CUL5: variants seen among roughly 807,000 people sequenced by gnomAD.
CUL5 encodes cullin-5.
In CUL5, 26 loss-of-function variants were observed where a neutral mutation model predicts 108.8. The ratio of observed to expected loss-of-function variants is 0.24; its 90% CI spans 0.18 to 0.33. The LOEUF is 0.33. CUL5 is among the 10% of genes least tolerant of loss of function. CUL5 has a pLI of 1.00. For synonymous variants in CUL5, 334 were observed against 298.0 expected, an observed-to-expected ratio of 1.12 and a Z score of -1.25; for missense variants, 524 against 909.2, an observed-to-expected ratio of 0.58 and a Z score of 5.45.
At chr11:108,060,703 G>T (rs1216021625) in intron 7 of CUL5, among the ~76,000 whole-genome samples, 1 of 152,030 alleles carries the variant, frequency 6.6e-6, no homozygotes, top group African/African-American at 2.4e-5. Context: ...CGGGCATGGT[G>T]GTGCGTGCCT....
At chr11:108,103,332 A>AGG (rs1040345628) in intron 18 of CUL5, among the ~76,000 whole-genome samples, 5 of 152,068 alleles carry the variant, frequency 3.3e-5, no homozygotes, top group Admixed American at 6.5e-5. Context: ...AGACCAGGGC[A>AGG]GGGGAGTATT....
At position 108,089,632 on chromosome 11, in the gene CUL5, A is replaced by G; in HGVS notation, c.1443+9A>G. 1 of 1,470,124 alleles carries G rather than the reference A, an allele frequency of 6.8e-7. No individual in the cohort carries two copies. The highest frequency in any genetic ancestry group is 1.4e-5 in the South Asian group (1 of 71,364). 91.1% of individuals were successfully genotyped at this position (1,470,124 alleles called of 1,614,324 possible). On this transcript the variant is annotated intron_variant, in intron 13 of 18. Coordinates refer to ENST00000393094, the MANE Select transcript of CUL5 (RefSeq NM_003478.6). ...TGGTAGAGTGGCTAAGAGTAAGTAA[A>G]TTTTTTTAAATATTTGGTTTTCTAA...
intron 7 of CUL5, among the ~76,000 whole-genome samples, chr11:108,059,235 G>T (rs1863474758): frequency 6.6e-6 from 1 of 152,132 alleles, no homozygotes; most frequent in African/African-American, 2.4e-5. Flanking sequence ...TGATAGTCCT[G>T]CATACCTTAG....
chr11:108,009,851 C>T (rs1182558593), intron 1 of CUL5, among the ~76,000 whole-genome samples: 1 of 152,154 alleles, frequency 6.6e-6, no homozygotes, highest in Non-Finnish European at 1.5e-5. Flanking sequence ...GTCAGACCAG[C>T]AGTGCCTCCC....
At chr11:108,039,044 G>A (rs2135101399) in intron 2 of CUL5, among the ~76,000 whole-genome samples, 1 of 150,912 alleles carries the variant, frequency 6.6e-6, no homozygotes, top group South Asian at 2.1e-4. Flanking sequence ...AATTGAGATA[G>A]AGTTTCATTC....
chr11:108,072,327 TC>T lies in CUL5; in HGVS notation c.875-3del, dbSNP rs2135185472. 6.3e-7 allele frequency: 1 copy of T among 1,592,766 alleles called. No homozygotes were observed. The highest frequency in any genetic ancestry group is 8.6e-7 in the Non-Finnish European group (1 of 1,169,320). On this transcript the variant is annotated splice_polypyrimidine_tract_variant and splice_region_variant and intron_variant, in intron 8 of 18. Coordinates refer to ENST00000393094, the MANE Select transcript of CUL5 (RefSeq NM_003478.6). ...TGATTACATGAATGTGTTCTCTCCT[TC>T]CAGAATTACATTTAATGTTTTCATT...
chr11:108,104,260 A>C lies in CUL5; in HGVS notation c.2219A>C (p.Glu740Ala), dbSNP rs1353853542. Residue 740 changes from glutamate (E) to alanine (A), a missense_variant, in exon 19 of 19, where the codon GAA (glutamate) becomes GCA (alanine). Coordinates refer to ENST00000393094, the MANE Select transcript of CUL5 (RefSeq NM_003478.6). ...GCTCAGCTGCAGACTGAATTAGTAG[A>C]AATTTTGAAAAACATGTTCTTGCCA... ...SNAQLQTELV[E>A]ILKNMFLPQK... The C allele has an allele frequency of 1.5e-5, 24 of 1,610,088 alleles. No individual in the cohort carries two copies. Among genetic ancestry groups the C allele is most frequent in the Non-Finnish European group, 1.9e-5 (22 of 1,178,708 alleles).
At chr11:108,053,021 T>G (rs182241012) in intron 5 of CUL5, among the ~76,000 whole-genome samples, 2 of 152,208 alleles carry the variant, frequency 1.3e-5, no homozygotes, top group Admixed American at 1.3e-4. Context: ...CATTAATTTC[T>G]TGGCAAGTCG....
In CUL5 at chr11:108,083,023, G is replaced by C. The variant is rs138940798; in HGVS notation, c.1178+4783G>C. ...TTTTGTAGATTCTTTCAGCTTTTCT[G>C]TATATAAGATCATGACATCTGCAAA... On this transcript the variant is annotated intron_variant, in intron 11 of 18. Coordinates refer to ENST00000393094, the MANE Select transcript of CUL5 (RefSeq NM_003478.6). Among the ~76,000 whole-genome samples, 5 of 152,256 alleles carry C rather than the reference G, an allele frequency of 3.3e-5. No individual in the cohort carries two copies. In the East Asian group the frequency reaches 9.6e-4, roughly 29 times the overall value.
At chr11:108,058,617 TCTC>T (rs1031758757) in intron 7 of CUL5, among the ~76,000 whole-genome samples, 3 of 151,884 alleles carry the variant, frequency 2.0e-5, no homozygotes, top group Non-Finnish European at 4.4e-5. Flanking sequence ...TGGTAATGCT[TCTC>T]CTGCTGCTTT....
intron 8 of CUL5, among the ~76,000 whole-genome samples, chr11:108,071,880 T>A (rs998481689): frequency 2.0e-4 from 31 of 152,098 alleles, no homozygotes; most frequent in African/African-American, 3.4e-4. Context: ...GATTTTTTTT[T>A]AAACATAATT....
At chr11:108,091,340 C>T (rs1431536588) in intron 13 of CUL5, among the ~76,000 whole-genome samples, 1 of 150,706 alleles carries the variant, frequency 6.6e-6, no homozygotes, top group African/African-American at 2.4e-5. Context: ...CGTGAGCCAC[C>T]ACACCCGGCC....
At chr11:108,094,268 C>G in intron 13 of CUL5, 123 bp from the exon 14 acceptor site, 1 of 721,298 alleles carries the variant, frequency 1.4e-6, no homozygotes, top group Non-Finnish European at 2.2e-6. Context: ...CAATAAAATT[C>G]TAATAAATGA....
At chr11:108,098,565 A>T (rs376870985) in intron 18 of CUL5, 36 bp downstream of exon 18, 5 of 1,437,352 alleles carry the variant, frequency 3.5e-6, no homozygotes, top group Non-Finnish European at 3.6e-6. Flanking sequence ...AAGTTTAAAA[A>T]AACTTTAGTT....
chr11:108,031,571 G>A (rs1862584972), intron 1 of CUL5, among the ~76,000 whole-genome samples: 1 of 152,098 alleles, frequency 6.6e-6, no homozygotes, highest in African/African-American at 2.4e-5. Flanking sequence ...TTTTGCTTTT[G>A]TCAGGTTTGT....
chr11:108,095,344 TTACATGGAAAGCTGGGAG>T (rs1446838346), intron 15 of CUL5, among the ~76,000 whole-genome samples, 168 bp from the exon 16 acceptor site: 5 of 152,188 alleles, frequency 3.3e-5, no homozygotes, highest in African/African-American at 1.2e-4. Context: ...CCACATTTTG[TTACATGGAAAGCTGGGAG>T]ATGAGCGTGT....
intron 3 of CUL5, among the ~76,000 whole-genome samples, chr11:108,048,887 A>G (rs1476906770): frequency 6.6e-6 from 1 of 151,772 alleles, no homozygotes; most frequent in Non-Finnish European, 1.5e-5. Flanking sequence ...AGCTGGTCTC[A>G]AACTCATGAC....
At chr11:108,091,395 A>G (rs1457368551) in intron 13 of CUL5, among the ~76,000 whole-genome samples, 1 of 151,940 alleles carries the variant, frequency 6.6e-6, no homozygotes, top group Non-Finnish European at 1.5e-5. Flanking sequence ...ACCCAACAGT[A>G]AAATGACAAA....
chr11:108,083,960 C>T (rs991345097), intron 11 of CUL5, among the ~76,000 whole-genome samples: 3 of 152,154 alleles, frequency 2.0e-5, no homozygotes, highest in African/African-American at 7.2e-5. Flanking sequence ...TTGTAAACTT[C>T]CGTAAAACAT....
Sources: allele counts gnomAD v4.1 joint callset (sites outside exome capture counted in the v4.1 genomes callset), GRCh38; gene constraint gnomAD v4.1.1; transcripts MANE v1.5; gene names NCBI Gene and HGNC (gene_info 2026-07-23, HGNC 2026-07-21).